The following EBF1 variants were observed in gnomAD, a reference collection of about 807,000 sequenced individuals.
EBF1 encodes EBF transcription factor 1.
Under a neutral mutation model 68.4 loss-of-function variants are expected in EBF1, and 10 were observed. The ratio of observed to expected loss-of-function variants is 0.15; its 90% CI spans 0.09 to 0.25. The LOEUF is 0.25. EBF1 is among the 10% of genes least tolerant of loss of function. The probability of loss-of-function intolerance (pLI) is 1.00; values close to 1 mark genes in which losing one functional copy is unlikely to be tolerated. For missense variants in EBF1, 509 were observed against 794.4 expected (o/e 0.64, Z 4.32); for synonymous variants, 298 against 299.8 (o/e 0.99, Z 0.06).
At chr5:158,794,341 A>G (rs1779239674) in intron 9 of EBF1, among the ~76,000 whole-genome samples, 1 of 152,190 alleles carries the variant, frequency 6.6e-6, no homozygotes, top group Non-Finnish European at 1.5e-5. Context: ...TTTGTTATAT[A>G]GAAACAGATC....
At chr5:158,918,292 A>T (rs918316706) in intron 6 of EBF1, among the ~76,000 whole-genome samples, 1 of 152,204 alleles carries the variant, frequency 6.6e-6, no homozygotes, top group Non-Finnish European at 1.5e-5. Context: ...CTCCCAAAAC[A>T]TGGCTTAAGG....
chr5:158,902,595 T>TTTATTATTA (rs60535761), intron 6 of EBF1, among the ~76,000 whole-genome samples: 25 of 147,162 alleles, frequency 1.7e-4, no homozygotes, highest in Non-Finnish European at 3.1e-4. Flanking sequence ...CCTGAATAAT[T>TTTATTATTA]TTATTATTAT....
intron 6 of EBF1, among the ~76,000 whole-genome samples, chr5:158,962,216 G>A (rs1818313514): frequency 6.6e-6 from 1 of 152,126 alleles, no homozygotes; most frequent in Non-Finnish European, 1.5e-5. Context: ...CCCCTTCTCA[G>A]ATGTTTTGAA....
intron 8 of EBF1, among the ~76,000 whole-genome samples, chr5:158,818,061 A>C (rs1784099924): frequency 6.6e-6 from 1 of 152,150 alleles, no homozygotes; most frequent in African/African-American, 2.4e-5. Context: ...TACATGCTAA[A>C]AGGAAGCCTA....
chr5:158,964,659 C>T (rs1753738682), intron 6 of EBF1, among the ~76,000 whole-genome samples: 1 of 148,224 alleles, frequency 6.7e-6, no homozygotes, highest in African/African-American at 2.6e-5. Context: ...ATATGATCAC[C>T]AAAGCCCAGG....
intron 6 of EBF1, among the ~76,000 whole-genome samples, chr5:159,026,733 C>T (rs1561828488): frequency 1.3e-5 from 2 of 152,172 alleles, no homozygotes; most frequent in East Asian, 1.9e-4. Context: ...AAATCTACTA[C>T]ATCAGATCAG....
At chr5:158,793,544 T>C (rs1779069473) in intron 9 of EBF1, among the ~76,000 whole-genome samples, 1 of 152,158 alleles carries the variant, frequency 6.6e-6, no homozygotes, top group Non-Finnish European at 1.5e-5. Context: ...GCATGTGCTC[T>C]CTTATTAACT....
chr5:158,877,893 T>G (rs1337076255), intron 6 of EBF1, among the ~76,000 whole-genome samples: 6 of 151,876 alleles, frequency 4.0e-5, no homozygotes, highest in Admixed American at 2.0e-4. Context: ...GCTCTGGAAA[T>G]AATAGCTTCC....
intron 6 of EBF1, among the ~76,000 whole-genome samples, chr5:158,844,203 T>G (rs1242942717): frequency 6.6e-6 from 1 of 151,590 alleles, no homozygotes; most frequent in Admixed American, 6.6e-5. Context: ...TTTTTTTTTT[T>G]TTTGAGGGGG....
At chr5:158,882,987 TCTTC>T (rs1799179387) in intron 6 of EBF1, among the ~76,000 whole-genome samples, 1 of 152,204 alleles carries the variant, frequency 6.6e-6, no homozygotes, top group Non-Finnish European at 1.5e-5. Context: ...CTCTTGTGTT[TCTTC>T]CTTCATTCCT....
At chr5:158,887,571 C>T (rs1800302796) in intron 6 of EBF1, among the ~76,000 whole-genome samples, 2 of 152,222 alleles carry the variant, frequency 1.3e-5, no homozygotes, top group South Asian at 2.1e-4. Context: ...ATAATACATA[C>T]TATTAAATAA....
intron 6 of EBF1, among the ~76,000 whole-genome samples, chr5:159,042,363 T>A (rs1343915475): frequency 7.2e-5 from 11 of 152,210 alleles, no homozygotes; most frequent in Admixed American, 7.2e-4. Context: ...CCCAGGTACA[T>A]AGCCCATCAA....
intron 10 of EBF1, among the ~76,000 whole-genome samples, chr5:158,743,087 A>G (rs1300382702): frequency 1.3e-5 from 2 of 152,208 alleles, no homozygotes; most frequent in Non-Finnish European, 2.9e-5. Context: ...CTTGAGAAGA[A>G]CATGGTCCAG....
intron 10 of EBF1, 57 bp downstream of exon 10, chr5:158,777,356 G>A (rs1384836023): frequency 9.4e-6 from 14 of 1,490,004 alleles, no homozygotes; most frequent in African/African-American, 1.4e-5. Context: ...CAAGATAAGG[G>A]GAAAGACCCC....
At chr5:158,730,999 C>T in intron 11 of EBF1, 70 bp downstream of exon 11, 1 of 1,426,200 alleles carries the variant, frequency 7.0e-7, no homozygotes, top group Non-Finnish European at 9.7e-7. Flanking sequence ...TAATTTTTAT[C>T]AGCAGCAGAG....
chr5:158,929,938 G>A (rs959669120), intron 6 of EBF1, among the ~76,000 whole-genome samples: 1 of 152,158 alleles, frequency 6.6e-6, no homozygotes, highest in Non-Finnish European at 1.5e-5. Context: ...TTCCCTCTGT[G>A]TTTTTGCCTG....
rs898203088 is a variant in EBF1 at position 159,097,751 on chromosome 5, T to C, written c.135-621A>G. 3.4e-5 allele frequency: 8 copies of C among 233,326 alleles called. No homozygotes were observed. In the South Asian group the frequency reaches 1.3e-3, roughly 37 times the overall value. 14.5% of individuals were successfully genotyped at this position (233,326 alleles called of 1,614,324 possible). A position where few individuals can be genotyped will look rare whatever the true frequency, so the allele number is the denominator to read the frequency against. ...CGCTGTGAAAAAGGGAAGAGGGGTG[T>C]TTTCTTAAAGACCTGTCCTAACAAA... On this transcript the variant is annotated intron_variant, in intron 1 of 15. Transcript: ENST00000313708.
intron 6 of EBF1, among the ~76,000 whole-genome samples, chr5:158,864,298 C>T (rs1795482308): frequency 6.9e-6 from 1 of 144,138 alleles, no homozygotes. Flanking sequence ...GGCTTTTAAA[C>T]TAACCGAGAT....
chr5:158,699,313 A>G (rs1192423607), intron 15 of EBF1, among the ~76,000 whole-genome samples, 171 bp from the exon 16 acceptor site: 1 of 152,202 alleles, frequency 6.6e-6, no homozygotes, highest in Non-Finnish European at 1.5e-5. Flanking sequence ...TAAAATATAC[A>G]TGTGCTTTAT....
Sources: gnomAD v4.1 joint callset for allele counts (sites outside exome capture counted in the v4.1 genomes callset) on GRCh38, gnomAD v4.1.1 for gene constraint, MANE v1.5 for transcripts, NCBI Gene and HGNC (gene_info 2026-07-23, HGNC 2026-07-21) for gene names.